The following NTN1 variants were observed in gnomAD, a reference collection of about 807,000 sequenced individuals.
NTN1 encodes the protein netrin 1.
A neutral mutation model predicts 54.2 loss-of-function variants in NTN1; 11 were observed. The ratio of observed to expected loss-of-function variants is 0.20; its 90% CI spans 0.13 to 0.34. The LOEUF is 0.34. Ranked by LOEUF, NTN1 falls within the 10% of genes least tolerant of loss-of-function variation. The pLI, the probability that NTN1 is intolerant of heterozygous loss-of-function variation, is 1.00. For synonymous variants in NTN1, 371 were observed against 382.0 expected (o/e 0.97, Z 0.33); for missense variants, 740 against 893.1 (o/e 0.83, Z 2.18).
Position 9,022,381 on chromosome 17 carries a change from G to C in NTN1, c.8G>C (p.Arg3Pro). 7.6e-7 allele frequency: 1 copy of C among 1,316,216 alleles called. No individual in the cohort carries two copies. Among genetic ancestry groups the C allele is most frequent in the Non-Finnish European group, 9.6e-7 (1 of 1,041,932 alleles). The allele number at this position is 1,316,216 out of a possible 1,614,324, so 81.5% of individuals were successfully genotyped here. A position where few individuals can be genotyped will look rare whatever the true frequency, so the allele number is the denominator to read the frequency against. The change falls in exon 2 of 7, where the codon CGC becomes CCC. Residue 3 changes from arginine to proline, a missense_variant. By Grantham distance (103) the Arg-to-Pro change is moderately radical. Coordinates refer to ENST00000173229, the MANE Select transcript of NTN1 (RefSeq NM_004822.3). ...GGGCAAGCTGGACGCAGCATGATGC[G>C]CGCAGTGTGGGAGGCGCTGGCGGCG... Reference protein sequence around the residue: MMRAVWEALAALA... With the variant: MMPAVWEALAALA...
chr17:9,160,336 T>A (rs1378501442), intron 2 of NTN1, among the ~76,000 whole-genome samples: 1 of 152,006 alleles, frequency 6.6e-6, no homozygotes, highest in Non-Finnish European at 1.5e-5. Context: ...AACTCCTGGC[T>A]CCAAGAGATC....
intron 2 of NTN1, among the ~76,000 whole-genome samples, chr17:9,029,969 C>G (rs964509060): frequency 2.0e-5 from 3 of 149,438 alleles, no homozygotes; most frequent in Non-Finnish European, 4.4e-5. Flanking sequence ...TCTAGCCTGG[C>G]AACAGAGCGA....
chr17:9,125,961 C>T (rs1011201524), intron 2 of NTN1, among the ~76,000 whole-genome samples: 1 of 152,154 alleles, frequency 6.6e-6, no homozygotes, highest in African/African-American at 2.4e-5. Context: ...GATGAGAAAC[C>T]TGAAGCTGAG....
At chr17:9,164,977 C>A (rs1208199912) in intron 3 of NTN1, among the ~76,000 whole-genome samples, 1 of 152,170 alleles carries the variant, frequency 6.6e-6, no homozygotes, top group Non-Finnish European at 1.5e-5. Context: ...TATCCAGCTC[C>A]TTTGCCTGTG....
At position 9,229,484 on chromosome 17, in the gene NTN1, G is replaced by A. The variant is rs147489338; in HGVS notation, c.1486+8242G>A. ...CTCTGCGCGGGATTAGGTACTCCAC[G>A]GCTGAGACCTTGCTTCTCTCCCACA... On this transcript the variant is annotated intron_variant, in intron 6 of 6. Coordinates refer to ENST00000173229, the MANE Select transcript of NTN1 (RefSeq NM_004822.3). Among the ~76,000 whole-genome samples the A allele has an allele frequency of 2.0e-5, 3 of 152,296 alleles. No individual in the cohort carries two copies. In the East Asian group the frequency reaches 5.8e-4, roughly 29 times the overall value.
the NTN1 span, among the ~76,000 whole-genome samples, chr17:9,012,299 G>A: frequency 6.6e-6 from 1 of 152,042 alleles, no homozygotes; most frequent in East Asian, 1.9e-4. Context: ...ATCACCTGAG[G>A]TCAGGAGTTC....
At chr17:9,113,019 A>ATTTTTT (rs398058563) in intron 2 of NTN1, among the ~76,000 whole-genome samples, 4 of 141,936 alleles carry the variant, frequency 2.8e-5, no homozygotes, top group African/African-American at 5.1e-5. Context: ...TGTATACAGA[A>ATTTTTT]TTTTTTTTAT....
intron 2 of NTN1, among the ~76,000 whole-genome samples, chr17:9,056,367 A>G (rs766150604): frequency 1.3e-5 from 2 of 152,186 alleles, no homozygotes; most frequent in Admixed American, 1.3e-4. Context: ...GAGTGCCGCC[A>G]TCTTGATGGT....
At chr17:9,114,244 A>T (rs1311236097) in intron 2 of NTN1, among the ~76,000 whole-genome samples, 1 of 147,872 alleles carries the variant, frequency 6.8e-6, no homozygotes, top group Non-Finnish European at 1.5e-5. Context: ...TAAGGGAAAA[A>T]AAAGGAAGAT....
intron 2 of NTN1, among the ~76,000 whole-genome samples, chr17:9,091,439 C>T (rs936319213): frequency 1.8e-4 from 25 of 142,558 alleles, no homozygotes; most frequent in African/African-American, 4.9e-4. Flanking sequence ...CTGGATCCTA[C>T]GTTTAACCCC....
At chr17:9,137,816 T>C (rs2092285689) in intron 2 of NTN1, among the ~76,000 whole-genome samples, 4 of 151,846 alleles carry the variant, frequency 2.6e-5, no homozygotes. Flanking sequence ...ATAAAACTGT[T>C]GACGGGCATC....
At chr17:9,016,483 C>G in the NTN1 span, among the ~76,000 whole-genome samples, 6 of 152,220 alleles carry the variant, frequency 3.9e-5, no homozygotes. Flanking sequence ...AATCCTTTAG[C>G]TATCCAACAG....
intron 2 of NTN1, among the ~76,000 whole-genome samples, chr17:9,092,035 A>G (rs1354778533): frequency 2.0e-5 from 3 of 151,140 alleles, no homozygotes; most frequent in Non-Finnish European, 2.9e-5. Flanking sequence ...GATTACAGGC[A>G]TGCACCACCA....
chr17:9,020,745 C>T (rs2091843367), upstream of NTN1, among the ~76,000 whole-genome samples: 1 of 152,320 alleles, frequency 6.6e-6, no homozygotes, highest in Middle Eastern at 3.4e-3. Context: ...TGTCCCCATG[C>T]CTGAGACCAG....
At chr17:9,171,613 C>G (rs2092387289) in intron 3 of NTN1, 1 of 152,224 alleles carries the variant, frequency 6.6e-6, no homozygotes, top group Non-Finnish European at 1.5e-5. Context: ...CAAGGTGGCC[C>G]TGGAGGGGCT....
intron 2 of NTN1, among the ~76,000 whole-genome samples, chr17:9,067,966 A>G (rs2092020708): frequency 6.6e-6 from 1 of 152,164 alleles, no homozygotes; most frequent in African/African-American, 2.4e-5. Context: ...TGCGCCTGTA[A>G]ACCCAGCCGA....
intron 2 of NTN1, among the ~76,000 whole-genome samples, chr17:9,119,477 C>T (rs1040648660): frequency 3.3e-5 from 5 of 149,594 alleles, no homozygotes; most frequent in South Asian, 2.1e-4. Flanking sequence ...CGTGAGCCAC[C>T]GTGCCTGGCT....
chr17:9,139,561 C>T (rs576383397), intron 2 of NTN1, among the ~76,000 whole-genome samples: 1 of 152,170 alleles, frequency 6.6e-6, no homozygotes, highest in Non-Finnish European at 1.5e-5. Context: ...TCTCCAGAAA[C>T]TCAGTTAATA....
At chr17:9,225,629 G>T (rs1361058004) in intron 6 of NTN1, among the ~76,000 whole-genome samples, 1 of 152,142 alleles carries the variant, frequency 6.6e-6, no homozygotes, top group Admixed American at 6.5e-5. Flanking sequence ...ACAGACTTGG[G>T]CCAGCCCAGG....
Sources: gnomAD v4.1 joint callset for allele counts (sites outside exome capture counted in the v4.1 genomes callset) on GRCh38, gnomAD v4.1.1 for gene constraint, MANE v1.5 for transcripts, NCBI Gene and HGNC (gene_info 2026-07-23, HGNC 2026-07-21) for gene names.